The following NKAIN3 variants were observed in gnomAD, a reference collection of about 807,000 sequenced individuals.
NKAIN3 encodes sodium/potassium-transporting ATPase subunit beta-1-interacting protein 3.
A neutral mutation model predicts 30.2 loss-of-function variants in NKAIN3; 25 were observed. The observed-to-expected ratio is 0.83, with a 90% CI of 0.60 to 1.16. The LOEUF is 1.16. Among genes scored for constraint, NKAIN3 ranks in the 50% most tolerant of loss-of-function variants. The pLI, the probability that NKAIN3 is intolerant of heterozygous loss-of-function variation, is 0.00. For synonymous variants in NKAIN3, 91 were observed against 89.6 expected, an observed-to-expected ratio of 1.02 and a Z score of -0.09; for missense variants, 225 against 254.1, an observed-to-expected ratio of 0.89 and a Z score of 0.78.
At chr8:62,537,880 G>A (rs908985322) in intron 1 of NKAIN3, among the ~76,000 whole-genome samples, 1 of 152,114 alleles carries the variant, frequency 6.6e-6, no homozygotes, top group Non-Finnish European at 1.5e-5. Context: ...CACTGGATTT[G>A]CAGAATCTGG....
rs550708355 is a variant in NKAIN3 at position 62,417,456 on chromosome 8, A to G, written c.55-162083A>G. Among the ~76,000 whole-genome samples, 8 of 151,132 alleles carry G rather than the reference A, an allele frequency of 5.3e-5. No homozygotes were observed. The East Asian group carries it at 1.4e-3, about 26-fold the overall frequency. On this transcript the variant is annotated intron_variant, in intron 1 of 6. Transcript: ENST00000623646. ...ATTGGAGTGTAGATATCTCTTCTATATACTGATTTCCTTTCTTTTCGGTAT... is the reference window on the plus strand; with the variant it reads ...ATTGGAGTGTAGATATCTCTTCTATGTACTGATTTCCTTTCTTTTCGGTAT...
chr8:62,541,468 C>T (rs913982108), intron 1 of NKAIN3, among the ~76,000 whole-genome samples: 45 of 152,116 alleles, frequency 3.0e-4, no homozygotes, highest in Admixed American at 2.0e-3. Flanking sequence ...AATGTCCTAA[C>T]AATGTAGCTT....
intron 1 of NKAIN3, among the ~76,000 whole-genome samples, chr8:62,547,004 A>G (rs1009836031): frequency 3.9e-5 from 6 of 152,198 alleles, no homozygotes; most frequent in African/African-American, 1.4e-4. Flanking sequence ...CTGAGCCTAC[A>G]CAGGAGACAA....
chr8:62,670,382 A>C (rs1813262203), intron 3 of NKAIN3, among the ~76,000 whole-genome samples: 1 of 152,194 alleles, frequency 6.6e-6, no homozygotes, highest in Non-Finnish European at 1.5e-5. Context: ...CGTGTCTTGA[A>C]GAGGATAGGT....
chr8:62,459,226 G>A (rs1020256310), intron 1 of NKAIN3, among the ~76,000 whole-genome samples: 7 of 152,108 alleles, frequency 4.6e-5, no homozygotes, highest in Admixed American at 6.6e-5. Context: ...GCCTGGCTTG[G>A]CAACTTTGAT....
chr8:62,421,996 T>C (rs1254808210), intron 1 of NKAIN3, among the ~76,000 whole-genome samples: 1 of 152,116 alleles, frequency 6.6e-6, no homozygotes, highest in African/African-American at 2.4e-5. Flanking sequence ...AACAGGAATC[T>C]GCATTAACAG....
At chr8:62,285,531 T>C (rs527968647) in intron 1 of NKAIN3, among the ~76,000 whole-genome samples, 15 of 152,200 alleles carry the variant, frequency 9.9e-5, no homozygotes, top group Non-Finnish European at 2.2e-4. Context: ...CTGGGTTTCA[T>C]TGTGTGTTCT....
chr8:62,535,461 C>G (rs765884578), intron 1 of NKAIN3, among the ~76,000 whole-genome samples: 1 of 152,104 alleles, frequency 6.6e-6, no homozygotes, highest in African/African-American at 2.4e-5. Context: ...CTTCCACTCA[C>G]CCCGCTACCA....
chr8:62,636,924 A>G lies in NKAIN3; in HGVS notation c.273+47130A>G, dbSNP rs148459595. 2.0e-5 allele frequency among the ~76,000 whole-genome samples: 3 copies of G among 152,304 alleles called. No individual in the cohort carries two copies. The East Asian group carries it at 5.8e-4, about 29-fold the overall frequency. ...TTAACTCTATACTCTCTCACTTATA[A>G]TTGCTTGAAAGTTGAATTTTTGCTT... On this transcript the variant is annotated intron_variant, in intron 3 of 6. Transcript: ENST00000623646.
intron 1 of NKAIN3, among the ~76,000 whole-genome samples, chr8:62,260,880 C>T (rs1411097035): frequency 1.3e-5 from 2 of 151,618 alleles, no homozygotes; most frequent in Admixed American, 1.3e-4. Flanking sequence ...GGTTATTTTA[C>T]ATCTACACGG....
At chr8:62,651,178 G>T (rs1274359636) in intron 3 of NKAIN3, among the ~76,000 whole-genome samples, 1 of 151,074 alleles carries the variant, frequency 6.6e-6, no homozygotes, top group Non-Finnish European at 1.5e-5. Flanking sequence ...TCCCTCTTAG[G>T]AAAAGTGCAA....
At chr8:62,921,842 T>C (rs1333625836) in intron 5 of NKAIN3, among the ~76,000 whole-genome samples, 1 of 152,204 alleles carries the variant, frequency 6.6e-6, no homozygotes, top group Non-Finnish European at 1.5e-5. Context: ...TTGTTACTAC[T>C]TGTTAGACTT....
intron 3 of NKAIN3, among the ~76,000 whole-genome samples, chr8:62,625,656 A>G (rs1351970717): frequency 6.6e-6 from 1 of 152,146 alleles, no homozygotes; most frequent in Non-Finnish European, 1.5e-5. Flanking sequence ...AATTAACTGT[A>G]TGAATTACAC....
intron 1 of NKAIN3, among the ~76,000 whole-genome samples, chr8:62,308,609 C>A (rs1444121985): frequency 6.7e-6 from 1 of 150,322 alleles, no homozygotes; most frequent in Non-Finnish European, 1.5e-5. Context: ...TTGCATTCTG[C>A]ATGGAAGGTC....
intron 1 of NKAIN3, among the ~76,000 whole-genome samples, chr8:62,427,107 CAATCCAGAGAAAGCTA>C (rs1804831271): frequency 6.6e-6 from 1 of 152,038 alleles, no homozygotes; most frequent in Admixed American, 6.6e-5. Flanking sequence ...GCCCATTTCT[CAATCCAGAGAAAGCTA>C]CAAATACAGG....
intron 1 of NKAIN3, among the ~76,000 whole-genome samples, chr8:62,457,933 A>G (rs1321794688): frequency 6.6e-6 from 1 of 152,178 alleles, no homozygotes; most frequent in Non-Finnish European, 1.5e-5. Flanking sequence ...TTAAGCCACT[A>G]CACTGTAATT....
At chr8:62,273,831 C>A (rs542571864) in intron 1 of NKAIN3, among the ~76,000 whole-genome samples, 2 of 152,248 alleles carry the variant, frequency 1.3e-5, no homozygotes, top group African/African-American at 2.4e-5. Flanking sequence ...CACCTTACTA[C>A]GGTTCTGAAA....
intron 4 of NKAIN3, among the ~76,000 whole-genome samples, chr8:62,790,233 G>A (rs1817661445): frequency 6.6e-6 from 1 of 152,134 alleles, no homozygotes; most frequent in African/African-American, 2.4e-5. Context: ...CTCAGTAGAT[G>A]CAGAAAAGGC....
intron 1 of NKAIN3, among the ~76,000 whole-genome samples, chr8:62,284,027 C>A (rs1359023165): frequency 6.6e-6 from 1 of 152,130 alleles, no homozygotes; most frequent in African/African-American, 2.4e-5. Context: ...TTCCTACCTG[C>A]TCATTATGAA....
Sources: allele counts gnomAD v4.1 joint callset (sites outside exome capture counted in the v4.1 genomes callset), GRCh38; gene constraint gnomAD v4.1.1; transcripts MANE v1.5; gene names NCBI Gene and HGNC (gene_info 2026-07-23, HGNC 2026-07-21).